The following CASR variants were observed in gnomAD, a reference collection of about 807,000 sequenced individuals.
CASR encodes the protein extracellular calcium-sensing receptor.
In CASR, 23 loss-of-function variants were observed where a neutral mutation model predicts 69.1. The observed-to-expected ratio is 0.33, with a 90% CI of 0.24 to 0.47. CASR has a LOEUF of 0.47. Ranked by LOEUF, CASR falls within the 20% of genes least tolerant of loss-of-function variation. The pLI, the probability that CASR is intolerant of heterozygous loss-of-function variation, is 1.00. For missense variants in CASR, 924 were observed against 1,356.1 expected (o/e 0.68, Z 5.00); for synonymous variants, 541 against 544.7 (o/e 0.99, Z 0.10).
At chr3:122,252,419 A>AAGAAAG (rs1553765667) in intron 1 of CASR, among the ~76,000 whole-genome samples, 1 of 59,560 alleles carries the variant, frequency 1.7e-5, no homozygotes, top group African/African-American at 6.8e-5. Context: ...AAAAGAAAGA[A>AAGAAAG]AGAAAGAAAG....
intron 1 of CASR, among the ~76,000 whole-genome samples, chr3:122,239,938 C>T (rs901950220): frequency 6.6e-6 from 1 of 152,118 alleles, no homozygotes; most frequent in African/African-American, 2.4e-5. Flanking sequence ...TCTTAAAAAA[C>T]AGGTAGAGAA....
At chr3:122,273,813 A>G (rs1403968646) in intron 4 of CASR, among the ~76,000 whole-genome samples, 3 of 152,106 alleles carry the variant, frequency 2.0e-5, no homozygotes, top group Non-Finnish European at 2.9e-5. Flanking sequence ...GAAGAACTGC[A>G]TGTTCCTCTG....
chr3:122,285,416 GC>G lies in CASR; in HGVS notation c.*226del. 6.5e-6 allele frequency: 3 copies of G among 459,642 alleles called. No individual in the cohort carries two copies. The highest frequency in any genetic ancestry group is 7.9e-6 in the Non-Finnish European group (2 of 253,932). 28.5% of individuals were successfully genotyped at this position (459,642 alleles called of 1,614,324 possible). Reference sequence around the variant, plus strand: ...TGTTTCTGTGGTTGCATTTGTCAAAGCATTGAGATCTCCACGGTCAGATTTG... The same window carrying G: ...TGTTTCTGTGGTTGCATTTGTCAAAGATTGAGATCTCCACGGTCAGATTTG... On this transcript the variant is annotated 3_prime_UTR_variant, in exon 7 of 7. Transcript: ENST00000639785.
At chr3:122,240,116 A>T (rs2074366160) in intron 1 of CASR, among the ~76,000 whole-genome samples, 1 of 152,232 alleles carries the variant, frequency 6.6e-6, no homozygotes, top group Non-Finnish European at 1.5e-5. Context: ...AAAGTCAAGG[A>T]TAAAAAAGGA....
At chr3:122,264,518 T>C (rs1234903991) in intron 4 of CASR, among the ~76,000 whole-genome samples, 2 of 151,976 alleles carry the variant, frequency 1.3e-5, no homozygotes, top group East Asian at 3.9e-4. Context: ...GAGGAAGAAA[T>C]AGAAGCAAAG....
At chr3:122,276,754 A>T (rs372471209) in intron 5 of CASR, among the ~76,000 whole-genome samples, 210 of 152,334 alleles carry the variant, frequency 1.4e-3, no homozygotes, top group African/African-American at 4.6e-3. Flanking sequence ...AAAGAGGAGG[A>T]TGCTTGTGTG....
chr3:122,242,777 T>A (rs2074390326), intron 1 of CASR, among the ~76,000 whole-genome samples: 1 of 152,154 alleles, frequency 6.6e-6, no homozygotes, highest in African/African-American at 2.4e-5. Context: ...CATATTATGC[T>A]ACAGAAGTAT....
At chr3:122,238,800 G>A (rs1034849869) in intron 1 of CASR, among the ~76,000 whole-genome samples, 7 of 152,182 alleles carry the variant, frequency 4.6e-5, no homozygotes, top group Non-Finnish European at 2.9e-5. Flanking sequence ...CTAGTTCCTT[G>A]ACAACATTTC....
intron 4 of CASR, among the ~76,000 whole-genome samples, chr3:122,265,016 A>G (rs755414684): frequency 6.6e-6 from 1 of 152,206 alleles, no homozygotes; most frequent in Non-Finnish European, 1.5e-5. Flanking sequence ...TTTTTGGCAC[A>G]GCATCTTTGC....
At chr3:122,231,096 G>A (rs1247661386) in intron 1 of CASR, among the ~76,000 whole-genome samples, 4 of 152,174 alleles carry the variant, frequency 2.6e-5, no homozygotes, top group Admixed American at 1.3e-4. Context: ...ACATCAGAAA[G>A]TGTCATGATC....
chr3:122,232,740 C>T (rs991758423), intron 1 of CASR, among the ~76,000 whole-genome samples: 3 of 152,060 alleles, frequency 2.0e-5, no homozygotes, highest in Non-Finnish European at 4.4e-5. Flanking sequence ...TAGATGATCT[C>T]GAAAGCCCTT....
Position 122,254,118 on chromosome 3 carries a change from CA to C in CASR, c.-70del, listed in dbSNP as rs1221854670. ...CCCCACTGCAGGGAGTGAACTGCTC[CA>C]AGGGAGAAACTTCTGGGAGCCTCCA... On this transcript the variant is annotated 5_prime_UTR_variant, in exon 2 of 7. Coordinates refer to ENST00000639785, the MANE Select transcript of CASR (RefSeq NM_000388.4). 6.9e-7 allele frequency: 1 copy of C among 1,451,588 alleles called. No homozygotes were observed. The highest frequency in any genetic ancestry group is 9.7e-7 in the Non-Finnish European group (1 of 1,034,726). The allele number at this position is 1,451,588 out of a possible 1,614,324, so 89.9% of individuals were successfully genotyped here. A position where few individuals can be genotyped will look rare whatever the true frequency, so the allele number is the denominator to read the frequency against.
At chr3:122,224,360 C>T (rs1002146794) in intron 1 of CASR, among the ~76,000 whole-genome samples, 14 of 152,132 alleles carry the variant, frequency 9.2e-5, no homozygotes, top group Admixed American at 6.5e-4. Context: ...GATACAAAAT[C>T]AATGTACAAA....
intron 1 of CASR, among the ~76,000 whole-genome samples, chr3:122,242,331 A>G (rs1388068975): frequency 2.0e-5 from 3 of 152,186 alleles, no homozygotes; most frequent in Non-Finnish European, 4.4e-5. Flanking sequence ...AAATTCAGTA[A>G]AGTTGCAGGA....
chr3:122,220,929 G>A (rs569485829), intron 1 of CASR, among the ~76,000 whole-genome samples: 112 of 152,224 alleles, frequency 7.4e-4, no homozygotes, highest in Non-Finnish European at 1.0e-3. Context: ...AGCCGAGATC[G>A]CGCCACTGCA....
intron 1 of CASR, among the ~76,000 whole-genome samples, chr3:122,209,110 C>T (rs956053771): frequency 1.3e-5 from 2 of 152,106 alleles, no homozygotes; most frequent in African/African-American, 4.8e-5. Context: ...TGGGCTCCAC[C>T]CCAGAGTTTA....
chr3:122,213,664 C>T (rs1311457666), intron 1 of CASR, among the ~76,000 whole-genome samples: 1 of 152,122 alleles, frequency 6.6e-6, no homozygotes, highest in African/African-American at 2.4e-5. Context: ...TTACCTGGAC[C>T]CTGTGGCTCA....
chr3:122,186,421 G>A (rs992008673), intron 1 of CASR, among the ~76,000 whole-genome samples: 11 of 152,244 alleles, frequency 7.2e-5, no homozygotes, highest in African/African-American at 1.2e-4. Context: ...AGACTGGTGA[G>A]GAGTTGCATA....
intron 1 of CASR, among the ~76,000 whole-genome samples, chr3:122,202,037 A>C (rs1270803877): frequency 6.6e-6 from 1 of 152,208 alleles, no homozygotes; most frequent in Non-Finnish European, 1.5e-5. Context: ...CAGAGGCTGC[A>C]ATCTCGGCAC....
Sources: allele counts gnomAD v4.1 joint callset (sites outside exome capture counted in the v4.1 genomes callset), GRCh38; gene constraint gnomAD v4.1.1; transcripts MANE v1.5; gene names NCBI Gene and HGNC (gene_info 2026-07-23, HGNC 2026-07-21).